Variants in HSPA12A observed in about 807,000 individuals in gnomAD.
HSPA12A encodes heat shock protein family A (Hsp70) member 12A, also known as heat shock 70 kDa protein 12A.
A neutral mutation model predicts 69.2 loss-of-function variants in HSPA12A; 28 were observed. The ratio of observed to expected loss-of-function variants is 0.40; its 90% CI spans 0.30 to 0.55. The LOEUF is 0.55. Among genes scored for constraint, HSPA12A ranks in the 20% least tolerant of loss-of-function variants. The pLI is 0.38. For missense variants in HSPA12A, 686 were observed against 900.7 expected (o/e 0.76, Z 3.05); for synonymous variants, 345 against 370.5 (o/e 0.93, Z 0.79).
At chr10:116,799,955 A>C (rs891323511) in intron 2 of HSPA12A, among the ~76,000 whole-genome samples, 1 of 152,182 alleles carries the variant, frequency 6.6e-6, no homozygotes, top group Non-Finnish European at 1.5e-5. Flanking sequence ...GTGAATGAAA[A>C]AGTGGGTGGG....
At chr10:116,807,393 A>C (rs1845090230) in intron 2 of HSPA12A, among the ~76,000 whole-genome samples, 1 of 152,012 alleles carries the variant, frequency 6.6e-6, no homozygotes, top group South Asian at 2.1e-4. Context: ...GCAGGCTTAG[A>C]GCTCATATCA....
chr10:116,750,502 T>C (rs1308525446), intron 2 of HSPA12A: 3 of 484,918 alleles, frequency 6.2e-6, no homozygotes, highest in African/African-American at 5.9e-5. Flanking sequence ...ACATCATCAG[T>C]CAGAATGTCG....
At position 116,714,650 on chromosome 10, in the gene HSPA12A, G is replaced by A. The variant is rs374782873; in HGVS notation, c.41-7365C>T. 1.6e-4 allele frequency among the ~76,000 whole-genome samples: 25 copies of A among 152,264 alleles called. No homozygotes were observed. In the East Asian group the frequency reaches 3.5e-3, roughly 21 times the overall value. On this transcript the variant is annotated intron_variant, in intron 1 of 11. Coordinates refer to ENST00000369209, the MANE Select transcript of HSPA12A (RefSeq NM_025015.3). ...AGGTCTGCTCACCTAACTCAACCTT[G>A]TCAGGGTCTTCCCCTGATGCCCATT...
At chr10:116,704,372 A>C (rs1182580835) in intron 3 of HSPA12A, among the ~76,000 whole-genome samples, 1 of 151,986 alleles carries the variant, frequency 6.6e-6, no homozygotes, top group Admixed American at 6.5e-5. Context: ...AAAAAACCAA[A>C]CACCGCATGT....
Position 116,742,326 on chromosome 10 carries a change from C to G in HSPA12A, c.40+104G>C. Reference sequence around the variant, plus strand: ...GAACTGGATGCAGCGCGGGCGTCCCCACTTTTCCACGGCGCGCGAGGGGGT... The same window carrying G: ...GAACTGGATGCAGCGCGGGCGTCCCGACTTTTCCACGGCGCGCGAGGGGGT... On this transcript the variant is annotated intron_variant, in intron 1 of 11. Coordinates refer to ENST00000369209, the MANE Select transcript of HSPA12A (RefSeq NM_025015.3). 4.1e-6 allele frequency: 5 copies of G among 1,216,672 alleles called. No individual in the cohort carries two copies. The South Asian group carries it at 9.5e-5, about 23-fold the overall frequency. The allele number at this position is 1,216,672 out of a possible 1,614,324, so 75.4% of individuals were successfully genotyped here. A position where few individuals can be genotyped will look rare whatever the true frequency, so the allele number is the denominator to read the frequency against.
At chr10:116,801,499 G>A (rs145615323) in intron 2 of HSPA12A, among the ~76,000 whole-genome samples, 290 of 152,260 alleles carry the variant, frequency 1.9e-3, no homozygotes, top group African/African-American at 6.8e-3. Flanking sequence ...GGAAGTTGGA[G>A]AAAGGGAGTT....
intron 1 of HSPA12A, among the ~76,000 whole-genome samples, chr10:116,737,363 A>G (rs1851347298): frequency 6.6e-6 from 1 of 152,190 alleles, no homozygotes; most frequent in African/African-American, 2.4e-5. Flanking sequence ...AGCAGAGATT[A>G]TTAATCGTCC....
At chr10:116,829,950 G>A (rs1004109593) in intron 2 of HSPA12A, 7 of 130,864 alleles carry the variant, frequency 5.3e-5, no homozygotes, top group East Asian at 2.6e-4. Context: ...CATACTGCCC[G>A]GCACATTCCG....
chr10:116,740,662 GTGTGTGTGTGTGTC>G (rs55898606), intron 1 of HSPA12A, among the ~76,000 whole-genome samples: 22,606 of 52,070 alleles, frequency 0.43, 1,895 homozygotes, highest in South Asian at 0.52. Context: ...GTGTGTGTGT[GTGTGTGTGTGTGTC>G]TGTGTGTGTG....
intron 2 of HSPA12A, among the ~76,000 whole-genome samples, chr10:116,834,533 G>A (rs1845675889): frequency 1.3e-5 from 2 of 152,142 alleles, no homozygotes; most frequent in South Asian, 4.1e-4. Context: ...AAGAGCGAGA[G>A]GCCATCTCTT....
intron 2 of HSPA12A, among the ~76,000 whole-genome samples, chr10:116,811,806 C>T (rs191394466): frequency 3.1e-4 from 47 of 152,208 alleles, no homozygotes; most frequent in African/African-American, 1.1e-3. Context: ...AACCCCTACC[C>T]GGTAGGTTTG....
chr10:116,682,917 G>A (rs3740574), intron 7 of HSPA12A, among the ~76,000 whole-genome samples: 32,434 of 139,050 alleles, frequency 0.23, 3,936 homozygotes, highest in Middle Eastern at 0.35. Flanking sequence ...GGGTTTCACC[G>A]TGGTCTGGAT....
At chr10:116,750,188 G>A in intron 2 of HSPA12A, 1 of 652,826 alleles carries the variant, frequency 1.5e-6, no homozygotes, top group Non-Finnish European at 2.8e-6. Flanking sequence ...AAATTATGCT[G>A]CGGCACATTG....
intron 1 of HSPA12A, among the ~76,000 whole-genome samples, chr10:116,734,393 T>C (rs1450312821): frequency 7.0e-6 from 1 of 142,166 alleles, no homozygotes; most frequent in Non-Finnish European, 1.5e-5. Context: ...GAGGCTGCAG[T>C]GAGCCGAGAT....
rs71013613 is a variant in HSPA12A at position 116,726,027 on chromosome 10, G to GCA, written c.40+16401_40+16402dup. On this transcript the variant is annotated intron_variant, in intron 1 of 11. Transcript: ENST00000369209. ...ACAAGGTTTAGACACACACACACACGCACACACACACACACACACACACAC... is the reference window on the plus strand; with the variant it reads ...ACAAGGTTTAGACACACACACACACGCACACACACACACACACACACACACAC... 9.1e-4 allele frequency among the ~76,000 whole-genome samples: 133 copies of GCA among 146,214 alleles called. 1 individual carries two copies. Among genetic ancestry groups the GCA allele is most frequent in the African/African-American group, 3.1e-3 (121 of 39,078 alleles).
intron 1 of HSPA12A, among the ~76,000 whole-genome samples, chr10:116,836,264 C>T (rs747156419): frequency 3.3e-5 from 5 of 152,110 alleles, no homozygotes; most frequent in Admixed American, 6.5e-5. Flanking sequence ...GCAGGTGCCT[C>T]CTACTGTGGC....
At chr10:116,680,383 G>T (rs1322900974) in intron 9 of HSPA12A, among the ~76,000 whole-genome samples, 3 of 152,192 alleles carry the variant, frequency 2.0e-5, no homozygotes, top group Admixed American at 2.0e-4. Context: ...ACATCCAAGG[G>T]CGGGGGCTGG....
rs530475257 is a variant in HSPA12A, at chr10:116,730,097, C to T, written c.40+12333G>A. The stretch of plus-strand genomic sequence containing the variant: ...ACTTGGGAGGGTGAGGCAGAAGAAT[C>T]GCTTGAACCCTGGAGGCAGAGGTTG... On this transcript the variant is annotated intron_variant, in intron 1 of 11. Coordinates refer to ENST00000369209, the MANE Select transcript of HSPA12A (RefSeq NM_025015.3). 3.9e-5 allele frequency among the ~76,000 whole-genome samples: 6 copies of T among 152,268 alleles called. No individual in the cohort carries two copies. In the East Asian group the frequency reaches 9.7e-4, roughly 25 times the overall value.
chr10:116,809,534 G>A (rs1845133277), intron 2 of HSPA12A, among the ~76,000 whole-genome samples: 1 of 152,228 alleles, frequency 6.6e-6, no homozygotes, highest in Non-Finnish European at 1.5e-5. Context: ...CCAGTAGAAT[G>A]AGTAGCCCAT....
Sources: gnomAD v4.1 joint callset for allele counts (sites outside exome capture counted in the v4.1 genomes callset) on GRCh38, gnomAD v4.1.1 for gene constraint, MANE v1.5 for transcripts, NCBI Gene and HGNC (gene_info 2026-07-23, HGNC 2026-07-21) for gene names.